SULF1: variants seen among roughly 807,000 people sequenced by gnomAD.
The protein encoded by SULF1 is extracellular sulfatase Sulf-1.
SULF1 carries 46 observed loss-of-function variants against 110.5 expected under a neutral mutation model. The observed-to-expected ratio is 0.42, with a 90% CI of 0.33 to 0.53. The LOEUF (loss-of-function observed/expected upper bound fraction) is 0.53. SULF1 is among the 20% of genes least tolerant of loss of function. The probability of loss-of-function intolerance (pLI) is 0.12; values close to 1 mark genes in which losing one functional copy is unlikely to be tolerated. For synonymous variants in SULF1, 371 were observed against 387.1 expected, an observed-to-expected ratio of 0.96 and a Z score of 0.49; for missense variants, 941 against 1,094.2, an observed-to-expected ratio of 0.86 and a Z score of 1.98.
intron 5 of SULF1, among the ~76,000 whole-genome samples, chr8:69,574,140 C>G (rs1286921110): frequency 1.3e-5 from 2 of 152,216 alleles, no homozygotes; most frequent in Non-Finnish European, 2.9e-5. Context: ...CAACACCTTA[C>G]AAAGACTTTT....
intron 22 of SULF1, among the ~76,000 whole-genome samples, chr8:69,643,841 G>C (rs1241475120): frequency 6.6e-6 from 1 of 152,218 alleles, no homozygotes; most frequent in Non-Finnish European, 1.5e-5. Context: ...ATAATTTGTG[G>C]CTCATTTGAA....
At chr8:69,553,834 T>C (rs1166279778) in intron 3 of SULF1, among the ~76,000 whole-genome samples, 1 of 152,232 alleles carries the variant, frequency 6.6e-6, no homozygotes, top group Admixed American at 6.5e-5. Context: ...CTATGCAGGA[T>C]GTTTTAGTAA....
chr8:69,553,922 A>G (rs1363506326), intron 3 of SULF1, among the ~76,000 whole-genome samples: 1 of 152,208 alleles, frequency 6.6e-6, no homozygotes, highest in Non-Finnish European at 1.5e-5. Context: ...GTTGCACTGT[A>G]ATCTCTAATA....
intron 3 of SULF1, among the ~76,000 whole-genome samples, chr8:69,531,269 T>A (rs551794125): frequency 1.3e-5 from 2 of 152,338 alleles, no homozygotes; most frequent in South Asian, 4.1e-4. Context: ...TAGCTTTATG[T>A]TTGCATATAT....
At chr8:69,567,300 A>G (rs1563537744) in intron 5 of SULF1, among the ~76,000 whole-genome samples, 2 of 152,134 alleles carry the variant, frequency 1.3e-5, no homozygotes, top group Non-Finnish European at 1.5e-5. Context: ...ATGTGCTCAT[A>G]ATCCTTCTAG....
intron 3 of SULF1, among the ~76,000 whole-genome samples, chr8:69,507,683 G>A (rs539200129): frequency 6.6e-6 from 1 of 152,160 alleles, no homozygotes; most frequent in Non-Finnish European, 1.5e-5. Flanking sequence ...GAGAATTGAA[G>A]TACTATAGGC....
At chr8:69,654,192 C>T (rs576980593) in intron 22 of SULF1, among the ~76,000 whole-genome samples, 6 of 152,322 alleles carry the variant, frequency 3.9e-5, no homozygotes, top group East Asian at 3.9e-4. Context: ...TGACTCATGA[C>T]GTAACCCACT....
chr8:69,644,541 C>T (rs1484642720), intron 22 of SULF1, among the ~76,000 whole-genome samples: 1 of 151,836 alleles, frequency 6.6e-6, no homozygotes, highest in Non-Finnish European at 1.5e-5. Context: ...TTTGGGAGGC[C>T]GAGGCAGGCA....
In SULF1 at chr8:69,649,972, C is replaced by CTTT. The variant is rs536073966; in HGVS notation, c.2586-8498_2586-8496dup. On this transcript the variant is annotated intron_variant, in intron 22 of 22. Transcript: ENST00000402687. ...CCCACTCTGTAATTCCTCCTGCTTGCTTTTTTTTTTTTTTTTTTTTTTTTT... is the reference window on the plus strand; with the variant it reads ...CCCACTCTGTAATTCCTCCTGCTTGCTTTTTTTTTTTTTTTTTTTTTTTTTTTT... Among the ~76,000 whole-genome samples, 2 of 30,588 alleles carry CTTT rather than the reference C, an allele frequency of 6.5e-5. 1 individual carries two copies. Among genetic ancestry groups the CTTT allele is most frequent in the Non-Finnish European group, 1.3e-4 (2 of 15,148 alleles). The allele number at this position is 30,588 out of a possible 152,430, so 20.1% of individuals were successfully genotyped here.
intron 8 of SULF1, among the ~76,000 whole-genome samples, chr8:69,596,404 T>C (rs557282298): frequency 1.4e-4 from 22 of 152,314 alleles, no homozygotes; most frequent in Admixed American, 7.8e-4. Flanking sequence ...ACCAGTATTG[T>C]GTTATCTACC....
At chr8:69,537,530 C>T (rs1490412966) in intron 3 of SULF1, among the ~76,000 whole-genome samples, 1 of 152,116 alleles carries the variant, frequency 6.6e-6, no homozygotes, top group Admixed American at 6.5e-5. Context: ...TAATTCTACC[C>T]TCAGCATGAG....
At chr8:69,526,599 C>CA (rs3059929) in intron 3 of SULF1, among the ~76,000 whole-genome samples, 37 of 136,632 alleles carry the variant, frequency 2.7e-4, no homozygotes, top group Non-Finnish European at 4.7e-4. Flanking sequence ...GTATCTCTAC[C>CA]AAAAAAAAAA....
At chr8:69,601,992 T>A (rs1203313515) in intron 10 of SULF1, among the ~76,000 whole-genome samples, 163 bp downstream of exon 10, 2 of 152,188 alleles carry the variant, frequency 1.3e-5, no homozygotes, top group African/African-American at 4.8e-5. Flanking sequence ...CCCTGCCACA[T>A]CTTAAATTAG....
rs528032240 is a variant in SULF1, at chr8:69,555,129, G to GA, written c.-133-8401dup. 1.2e-3 allele frequency among the ~76,000 whole-genome samples: 176 copies of GA among 148,968 alleles called. 1 individual carries two copies. Among genetic ancestry groups the GA allele is most frequent in the African/African-American group, 3.5e-3 (140 of 40,438 alleles). The stretch of plus-strand genomic sequence containing the variant: ...GGTTCTCCTGTAAGTAATACATTTT[G>GA]AAAAAAAAATACAGCTAATCTCCAT... On this transcript the variant is annotated intron_variant, in intron 3 of 22. Coordinates refer to ENST00000402687, the MANE Select transcript of SULF1 (RefSeq NM_001128205.2).
At chr8:69,548,647 G>T (rs1196444258) in intron 3 of SULF1, among the ~76,000 whole-genome samples, 45 of 139,416 alleles carry the variant, frequency 3.2e-4, no homozygotes, top group Non-Finnish European at 3.0e-5. Context: ...TTTTAGTAGA[G>T]ACAGGGTTTC....
At chr8:69,574,268 A>G (rs1805443968) in intron 5 of SULF1, among the ~76,000 whole-genome samples, 1 of 152,074 alleles carries the variant, frequency 6.6e-6, no homozygotes, top group African/African-American at 2.4e-5. Context: ...TCTGCTTTCC[A>G]CATTTCATGA....
chr8:69,614,273 C>T (rs1384078269), intron 13 of SULF1, among the ~76,000 whole-genome samples: 1 of 152,194 alleles, frequency 6.6e-6, no homozygotes, highest in Non-Finnish European at 1.5e-5. Flanking sequence ...TTTGAGCTTG[C>T]AAATCCAGAC....
chr8:69,509,774 C>T (rs4737978), intron 3 of SULF1, among the ~76,000 whole-genome samples: 87,295 of 151,708 alleles, frequency 0.58, 25,406 homozygotes, highest in South Asian at 0.65. Flanking sequence ...CCCCCAAGCA[C>T]TGACTTATGG....
intron 3 of SULF1, among the ~76,000 whole-genome samples, chr8:69,517,742 C>T (rs1203887281): frequency 6.6e-6 from 1 of 152,052 alleles, no homozygotes; most frequent in East Asian, 1.9e-4. Flanking sequence ...CAATAGACAG[C>T]AAAGAGGAAA....
Sources: gnomAD v4.1 joint callset for allele counts (sites outside exome capture counted in the v4.1 genomes callset) on GRCh38, gnomAD v4.1.1 for gene constraint, MANE v1.5 for transcripts, NCBI Gene and HGNC (gene_info 2026-07-23, HGNC 2026-07-21) for gene names.